GPR160: variants seen among roughly 807,000 people sequenced by gnomAD.
GPR160 encodes the protein probable G protein-coupled receptor 160.
GPR160 carries 2 observed loss-of-function variants against 2.6 expected under a neutral mutation model. The observed-to-expected ratio is 0.77, with a 90% confidence interval of 0.32 to 2.44. The LOEUF (loss-of-function observed/expected upper bound fraction) is 2.44. Ranked by LOEUF, GPR160 falls within the 30% of genes most tolerant of loss-of-function variation. The pLI, the probability that GPR160 is intolerant of heterozygous loss-of-function variation, is 0.11. For missense variants in GPR160, 351 were observed against 383.6 expected (o/e 0.91, Z 0.71); for synonymous variants, 130 against 132.2 (o/e 0.98, Z 0.12).
rs1247284492 is a variant in GPR160, at chr3:170,038,292, C to T, written c.-322+77C>T. On this transcript the variant is annotated intron_variant, in intron 1 of 3. Coordinates refer to ENST00000355897, the MANE Select transcript of GPR160 (RefSeq NM_014373.3). This position sits in a 1 kb window ranked among gnomAD's most constrained non-coding sequence, Gnocchi z 5.3. ...CAGCCTCGGGGCGGCGAACGGTCCC[C>T]GCGCCGCTCCCAGCCTCCCTGGCCG... is the stretch of plus-strand genomic sequence containing the variant. 2.6e-5 allele frequency: 4 copies of T among 152,160 alleles called. No homozygotes were observed. The highest frequency in any genetic ancestry group is 9.7e-5 in the African/African-American group (4 of 41,444). The allele number at this position is 152,160 out of a possible 1,614,324, so 9.4% of individuals were successfully genotyped here. A position where few individuals can be genotyped will look rare whatever the true frequency, so the allele number is the denominator to read the frequency against.
At chr3:170,063,543 C>CA (rs1269002352) in intron 2 of GPR160, among the ~76,000 whole-genome samples, 1 of 11,582 alleles carries the variant, frequency 8.6e-5, no homozygotes, top group Non-Finnish European at 1.6e-4. Flanking sequence ...CAAAAACAAA[C>CA]AAAAAAAGCA....
intron 2 of GPR160, among the ~76,000 whole-genome samples, chr3:170,042,473 C>T (rs760754687): frequency 1.4e-5 from 2 of 147,068 alleles, no homozygotes; most frequent in Non-Finnish European, 3.0e-5. Context: ...CTTTAAATCA[C>T]ATCTTTAGGG....
At chr3:170,056,288 C>G (rs1018731458) in intron 2 of GPR160, among the ~76,000 whole-genome samples, 2 of 152,164 alleles carry the variant, frequency 1.3e-5, no homozygotes, top group African/African-American at 4.8e-5. Flanking sequence ...CACCAGAATA[C>G]TAATTTACAA....
chr3:170,078,850 G>A (rs143016980), intron 2 of GPR160, among the ~76,000 whole-genome samples: 1 of 152,310 alleles, frequency 6.6e-6, no homozygotes, highest in African/African-American at 2.4e-5. Flanking sequence ...AGTCAGAGTG[G>A]TGGGAGAAAC....
At chr3:170,078,544 G>A (rs1301765776) in intron 2 of GPR160, among the ~76,000 whole-genome samples, 1 of 152,142 alleles carries the variant, frequency 6.6e-6, no homozygotes. Context: ...AAAGAGATAA[G>A]AAAAAGCATT....
chr3:170,041,642 T>C (rs1028728968), intron 2 of GPR160, among the ~76,000 whole-genome samples: 24 of 152,166 alleles, frequency 1.6e-4, no homozygotes, highest in Middle Eastern at 3.2e-3. Context: ...ACTGCTGTGA[T>C]GGGAAAATAA....
At chr3:170,039,542 T>C (rs1206880877) in intron 2 of GPR160, among the ~76,000 whole-genome samples, 1 of 152,158 alleles carries the variant, frequency 6.6e-6, no homozygotes, top group Non-Finnish European at 1.5e-5. Context: ...AACCCTTCTC[T>C]ACTAAAAATA....
At chr3:170,067,734 A>T (rs1712415983) in intron 2 of GPR160, among the ~76,000 whole-genome samples, 1 of 151,470 alleles carries the variant, frequency 6.6e-6, no homozygotes, top group Non-Finnish European at 1.5e-5. Context: ...ATCTTTAGAG[A>T]CTCCAATTTA....
chr3:170,039,359 G>T (rs996101795), intron 2 of GPR160, among the ~76,000 whole-genome samples: 2 of 152,122 alleles, frequency 1.3e-5, no homozygotes, highest in African/African-American at 2.4e-5. Flanking sequence ...GAGAAATTCG[G>T]TGGCAATACA....
At chr3:170,083,653 GAAGT>G (rs67013580) in intron 3 of GPR160, 9,983 of 185,148 alleles carry the variant, frequency 0.054, 298 homozygotes, top group African/African-American at 0.09. Context: ...CTTATATATA[GAAGT>G]TAGTAATTTA....
intron 3 of GPR160, among the ~76,000 whole-genome samples, chr3:170,081,467 C>T (rs1266836260): frequency 2.0e-5 from 3 of 152,036 alleles, no homozygotes; most frequent in African/African-American, 7.2e-5. Flanking sequence ...CACATATATA[C>T]GTTTGTATAA....
At chr3:170,055,235 G>T (rs538825808) in intron 2 of GPR160, among the ~76,000 whole-genome samples, 4 of 152,340 alleles carry the variant, frequency 2.6e-5, no homozygotes, top group African/African-American at 9.6e-5. Flanking sequence ...GCTGGCGTAG[G>T]TCTGGGATAC....
intron 2 of GPR160, among the ~76,000 whole-genome samples, chr3:170,066,601 A>C (rs1712357892): frequency 6.6e-6 from 1 of 152,198 alleles, no homozygotes. Flanking sequence ...TAGATGTGCC[A>C]TAATCTACTT....
chr3:170,051,731 TAAAA>T (rs1375392162), intron 2 of GPR160, among the ~76,000 whole-genome samples: 3 of 151,750 alleles, frequency 2.0e-5, no homozygotes, highest in African/African-American at 7.3e-5. Context: ...TCTCAAAAAA[TAAAA>T]AAATAAAAAA....
chr3:170,038,512 G>C lies in GPR160; in HGVS notation c.-322+297G>C, dbSNP rs1275430940. ...AGGGCAGGGGGTCTGGGGAATGGGCGTGTCCCGCACCCAGAGACTCGCCAC... is the reference window on the plus strand; with the variant it reads ...AGGGCAGGGGGTCTGGGGAATGGGCCTGTCCCGCACCCAGAGACTCGCCAC... On this transcript the variant is annotated intron_variant, in intron 1 of 3. Transcript: ENST00000355897. The surrounding 1 kb of genome is among the most constrained non-coding windows in gnomAD (Gnocchi z 5.3). The C allele has an allele frequency of 6.6e-6, 1 of 152,264 alleles. No homozygotes were observed. Among genetic ancestry groups the C allele is most frequent in the Non-Finnish European group, 1.5e-5 (1 of 68,130 alleles). The allele number at this position is 152,264 out of a possible 1,614,324, so 9.4% of individuals were successfully genotyped here.
chr3:170,073,224 T>TGGGC lies in GPR160; in HGVS notation c.-192-6550_-192-6549insGGGC, dbSNP rs1245571709. Reference sequence around the variant, plus strand: ...AGAAAAAATTATTGCCTATTATAATTTGTTGTGACAGCCCTAGGAAGCTAA... The same window carrying TGGGC: ...AGAAAAAATTATTGCCTATTATAATTGGGCTGTTGTGACAGCCCTAGGAAGCTAA... On this transcript the variant is annotated intron_variant, in intron 2 of 3. Coordinates refer to ENST00000355897, the MANE Select transcript of GPR160 (RefSeq NM_014373.3). 5.1e-4 allele frequency among the ~76,000 whole-genome samples: 77 copies of TGGGC among 152,286 alleles called. 1 individual carries two copies. The highest frequency in any genetic ancestry group is 1.6e-3 in the African/African-American group (68 of 41,572).
At chr3:170,050,187 G>A (rs1716897173) in intron 2 of GPR160, among the ~76,000 whole-genome samples, 1 of 151,274 alleles carries the variant, frequency 6.6e-6, no homozygotes. Flanking sequence ...AGCCTCTCGA[G>A]TAGCTGGGAT....
chr3:170,066,568 G>C (rs941221406), intron 2 of GPR160, among the ~76,000 whole-genome samples: 1 of 152,148 alleles, frequency 6.6e-6, no homozygotes, highest in Non-Finnish European at 1.5e-5. Context: ...TTTTAAAAGA[G>C]AGCTGCATAG....
chr3:170,040,235 T>C (rs1716390158), intron 2 of GPR160, among the ~76,000 whole-genome samples: 1 of 152,242 alleles, frequency 6.6e-6, no homozygotes, highest in South Asian at 2.1e-4. Flanking sequence ...TGGAAGTCCT[T>C]ATGCTATTGT....
Sources: gnomAD v4.1 joint callset for allele counts (sites outside exome capture counted in the v4.1 genomes callset) on GRCh38, gnomAD v4.1.1 for gene constraint, Gnocchi (gnomAD v3.1) non-coding constraint, MANE v1.5 for transcripts, NCBI Gene and HGNC (gene_info 2026-07-23, HGNC 2026-07-21) for gene names.